SLC8A3: variants seen among roughly 807,000 people sequenced by gnomAD.
The protein encoded by SLC8A3 is solute carrier family 8 member A3.
SLC8A3 carries 37 observed loss-of-function variants against 65.4 expected under a neutral mutation model. The observed-to-expected ratio is 0.57, with a 90% CI of 0.44 to 0.74. The LOEUF (loss-of-function observed/expected upper bound fraction) is 0.74, where lower values mean the gene tolerates loss of function less well. SLC8A3 is among the 30% of genes least tolerant of loss of function. SLC8A3 has a pLI of 0.00. For missense variants in SLC8A3, 1,112 were observed against 1,172.1 expected, an observed-to-expected ratio of 0.95 and a Z score of 0.75; for synonymous variants, 461 against 444.5, an observed-to-expected ratio of 1.04 and a Z score of -0.47.
Position 70,166,683 on chromosome 14 carries a change from A to G in SLC8A3, c.1740T>C (p.Phe580=), listed in dbSNP as rs1897179178. The G allele has an allele frequency of 6.2e-7, 1 of 1,612,236 alleles. No homozygotes were observed. The highest frequency in any genetic ancestry group is 1.3e-5 in the African/African-American group (1 of 74,872). The change falls in exon 2 of 7, where the codon TTT becomes TTC. Residue 580 remains phenylalanine (F), a synonymous_variant. Coordinates refer to ENST00000356921, the MANE Select transcript of SLC8A3 (RefSeq NM_182932.3). The stretch of plus-strand genomic sequence containing the variant: ...ATTCCAACTCCCCATATGTGTCTTC[A>G]AAGTCCTCACCGCCACCCTTGGCTG... ...EGTAKGGGED[F]EDTYGELEFK...
intron 2 of SLC8A3, among the ~76,000 whole-genome samples, chr14:70,091,877 T>C (rs1891826697): frequency 6.6e-6 from 1 of 152,224 alleles, no homozygotes; most frequent in Admixed American, 6.5e-5. Context: ...TAAATGTACA[T>C]GAAAGCTCAT....
intron 2 of SLC8A3, among the ~76,000 whole-genome samples, chr14:70,108,429 A>G (rs1259182257): frequency 6.6e-6 from 1 of 151,684 alleles, no homozygotes; most frequent in African/African-American, 2.4e-5. Flanking sequence ...AATGAAAAAG[A>G]AAAAAGAAAA....
At chr14:70,141,117 G>A (rs969706645) in intron 2 of SLC8A3, among the ~76,000 whole-genome samples, 1 of 152,178 alleles carries the variant, frequency 6.6e-6, no homozygotes, top group Non-Finnish European at 1.5e-5. Flanking sequence ...CTCTTGTCAG[G>A]CATGGTGCCA....
intron 5 of SLC8A3, 60 bp downstream of exon 5, chr14:70,050,948 C>T (rs967698865): frequency 1.6e-5 from 18 of 1,091,700 alleles, no homozygotes; most frequent in Middle Eastern, 2.2e-4. Flanking sequence ...CGTGGCTTTA[C>T]GCTTCCTTCT....
At chr14:70,129,037 C>T (rs957442836) in intron 2 of SLC8A3, among the ~76,000 whole-genome samples, 1 of 152,162 alleles carries the variant, frequency 6.6e-6, no homozygotes, top group Non-Finnish European at 1.5e-5. Flanking sequence ...TAAATCCCAA[C>T]ACATATCTCT....
At chr14:70,102,153 CA>C (rs1263129206) in intron 2 of SLC8A3, among the ~76,000 whole-genome samples, 1 of 152,150 alleles carries the variant, frequency 6.6e-6, no homozygotes, top group Non-Finnish European at 1.5e-5. Flanking sequence ...AAGACCATGT[CA>C]AGAAATGTTG....
rs189457073 is a variant in SLC8A3 at position 70,164,137 on chromosome 14, T to C, written c.1784+2502A>G. On this transcript the variant is annotated intron_variant, in intron 2 of 6. Transcript: ENST00000356921. ...CCGCATACAATACCTTGAATCGTCA[T>C]AATGGCCCTGCAAGAGAGATATTAT... 7.4e-4 allele frequency among the ~76,000 whole-genome samples: 113 copies of C among 152,276 alleles called. 1 individual carries two copies. Among genetic ancestry groups the C allele is most frequent in the Non-Finnish European group, 1.3e-4 (9 of 68,030 alleles).
intron 2 of SLC8A3, among the ~76,000 whole-genome samples, chr14:70,143,641 C>T (rs775943170): frequency 6.6e-6 from 1 of 152,078 alleles, no homozygotes; most frequent in Non-Finnish European, 1.5e-5. Context: ...GGGTAATTCT[C>T]GGGAGAAGCC....
At position 70,167,404 on chromosome 14, in the gene SLC8A3, T is replaced by C; in HGVS notation, c.1019A>G (p.Asn340Ser). 1.9e-6 allele frequency: 3 copies of C among 1,614,146 alleles called. No individual in the cohort carries two copies. The highest frequency in any genetic ancestry group is 2.5e-6 in the Non-Finnish European group (3 of 1,180,016). ...CTGTTGGTGGGAAAGAGCATAGTAA[T>C]TGGCCATCTCCACCAGCTGATCTAA... The part of the protein sequence containing the change: ...KDLDQLVEMA[N>S]YYALSHQQKS... Residue 340 changes from asparagine to serine, a missense_variant, in exon 2 of 7, where the codon AAT becomes AGT. By Grantham distance (46) the Asn-to-Ser change is conservative. Coordinates refer to ENST00000356921, the MANE Select transcript of SLC8A3 (RefSeq NM_182932.3).
chr14:70,148,767 C>T (rs1457295616), intron 2 of SLC8A3, among the ~76,000 whole-genome samples: 1 of 152,192 alleles, frequency 6.6e-6, no homozygotes, highest in Non-Finnish European at 1.5e-5. Flanking sequence ...AAAGCTTAGC[C>T]AGTGGTTAGG....
intron 2 of SLC8A3, among the ~76,000 whole-genome samples, chr14:70,101,743 C>G (rs903822917): frequency 6.6e-6 from 1 of 152,158 alleles, no homozygotes; most frequent in African/African-American, 2.4e-5. Context: ...AGGTATTGAA[C>G]AGCAAACAGT....
chr14:70,148,000 C>T (rs190969820), intron 2 of SLC8A3, among the ~76,000 whole-genome samples: 213 of 152,192 alleles, frequency 1.4e-3, no homozygotes, highest in Non-Finnish European at 2.2e-3. Context: ...ATGGTTCGAC[C>T]GACAATTTTT....
At chr14:70,171,444 T>G (rs1406795716) in intron 1 of SLC8A3, among the ~76,000 whole-genome samples, 1 of 152,142 alleles carries the variant, frequency 6.6e-6, no homozygotes, top group African/African-American at 2.4e-5. Context: ...ATGATCAGAA[T>G]CAGAGGCCAG....
intron 2 of SLC8A3, among the ~76,000 whole-genome samples, chr14:70,144,545 G>A (rs1250191328): frequency 2.7e-5 from 4 of 150,860 alleles, no homozygotes; most frequent in Admixed American, 1.3e-4. Context: ...CAGGAGAATC[G>A]CTTGAACCTG....
At chr14:70,088,736 ACTT>A (rs905604830) in intron 2 of SLC8A3, among the ~76,000 whole-genome samples, 5 of 152,100 alleles carry the variant, frequency 3.3e-5, no homozygotes, top group African/African-American at 1.2e-4. Context: ...CCATAGCTGA[ACTT>A]CTTATTTTCT....
Position 70,167,630 on chromosome 14 carries a change from A to T in SLC8A3, c.793T>A (p.Tyr265Asn). Reference sequence around the variant, plus strand: ...ATTCCTCGGTGTTTGTCTGTGCGGTACTTTTTGTGCATGTATTTGTAGAAG... The same window carrying T: ...ATTCCTCGGTGTTTGTCTGTGCGGTTCTTTTTGTGCATGTATTTGTAGAAG... ...LLFYKYMHKK[Y>N]RTDKHRGIII... Residue 265 changes from tyrosine to asparagine, a missense_variant, in exon 2 of 7, where the codon TAC becomes AAC. By Grantham distance (143) the Tyr-to-Asn change is moderately radical. Transcript: ENST00000356921. 1 of 1,614,088 alleles carries T rather than the reference A, an allele frequency of 6.2e-7. No individual in the cohort carries two copies. Among genetic ancestry groups the T allele is most frequent in the Non-Finnish European group, 8.5e-7 (1 of 1,180,004 alleles).
intron 2 of SLC8A3, among the ~76,000 whole-genome samples, chr14:70,104,997 T>A (rs1333216253): frequency 6.6e-6 from 1 of 152,174 alleles, no homozygotes; most frequent in African/African-American, 2.4e-5. Flanking sequence ...GGAAAAATTA[T>A]CAAAGCCAAA....
chr14:70,048,849 C>T lies in SLC8A3; in HGVS notation c.2307G>A (p.Leu769=), dbSNP rs768905574. ...IGMLTAIIGD[L]ASHFGCTIGL... is the part of the protein sequence containing the mutation. The stretch of plus-strand genomic sequence containing the variant: ...CAATGGTGCAGCCGAAGTGCGAGGC[C>T]AGGTCCCCAATGATGGCGGTGAGCA... The change falls in exon 6 of 7, where the codon CTG becomes CTA. Residue 769 remains leucine (L), a synonymous_variant. Transcript: ENST00000356921. The T allele has an allele frequency of 6.2e-7, 1 of 1,614,124 alleles. No individual in the cohort carries two copies. The highest frequency in any genetic ancestry group is 1.3e-5 in the African/African-American group (1 of 75,052).
intron 2 of SLC8A3, among the ~76,000 whole-genome samples, chr14:70,062,210 C>T (rs1008317448): frequency 3.9e-5 from 6 of 152,098 alleles, no homozygotes; most frequent in Admixed American, 2.6e-4. Flanking sequence ...CTCTGATGTT[C>T]CTGCTACCTT....
Sources: gnomAD v4.1 joint callset for allele counts (sites outside exome capture counted in the v4.1 genomes callset) on GRCh38, gnomAD v4.1.1 for gene constraint, MANE v1.5 for transcripts, NCBI Gene and HGNC (gene_info 2026-07-23, HGNC 2026-07-21) for gene names.